Variants in PKHD1 observed in about 807,000 individuals in gnomAD.
PKHD1 encodes the protein PKHD1 ciliary IPT domain containing fibrocystin/polyductin.
Under a neutral mutation model 412.0 loss-of-function variants are expected in PKHD1, and 291 were observed. The ratio of observed to expected loss-of-function variants is 0.71; its 90% CI spans 0.64 to 0.78. The LOEUF is 0.78. Among genes scored for constraint, PKHD1 ranks in the 30% least tolerant of loss-of-function variants. The probability of loss-of-function intolerance (pLI) is 0.00; values close to 1 mark genes in which losing one functional copy is unlikely to be tolerated. For synonymous variants in PKHD1, 1,777 were observed against 1,821.5 expected (o/e 0.98, Z 0.62); for missense variants, 4,825 against 4,950.7 (o/e 0.97, Z 0.76).
intron 22 of PKHD1, 96 bp from the exon 23 acceptor site, chr6:52,048,715 G>T: frequency 6.8e-7 from 1 of 1,472,276 alleles, no homozygotes; most frequent in Non-Finnish European, 9.4e-7. Flanking sequence ...TTAGGCTGCA[G>T]CCTTCCAGAA....
intron 62 of PKHD1, 137 bp downstream of exon 62, chr6:51,648,948 A>G (rs1770496786): frequency 1.5e-5 from 12 of 799,704 alleles, no homozygotes; most frequent in South Asian, 1.3e-4. Context: ...GAAAGTAGTG[A>G]GAAGCTCTAA....
intron 60 of PKHD1, among the ~76,000 whole-genome samples, chr6:51,718,566 G>A (rs965053516): frequency 1.3e-5 from 2 of 152,106 alleles, no homozygotes; most frequent in African/African-American, 4.8e-5. Context: ...AAGCAATCAG[G>A]ATATTACTGA....
intron 48 of PKHD1, among the ~76,000 whole-genome samples, chr6:51,863,867 T>G (rs1437886372): frequency 1.3e-5 from 2 of 152,166 alleles, no homozygotes; most frequent in Non-Finnish European, 2.9e-5. Flanking sequence ...TTTATATTTT[T>G]TTACTCAACA....
chr6:52,046,305 C>T (rs1026269551), intron 23 of PKHD1, 117 bp from the exon 24 acceptor site: 3 of 848,448 alleles, frequency 3.5e-6, no homozygotes, highest in Non-Finnish European at 4.1e-6. Context: ...TTCAGGAGAC[C>T]CTTCTGTCAA....
chr6:51,807,424 C>A (rs372836168), intron 52 of PKHD1, among the ~76,000 whole-genome samples: 1 of 117,588 alleles, frequency 8.5e-6, no homozygotes, highest in East Asian at 2.4e-4. Context: ...GGCAACAGAG[C>A]GAGACTCTGT....
chr6:51,966,243 TC>T (rs769118914), intron 35 of PKHD1, among the ~76,000 whole-genome samples: 2 of 152,102 alleles, frequency 1.3e-5, no homozygotes, highest in Non-Finnish European at 2.9e-5. Context: ...ACATGAGACA[TC>T]AATCAATATA....
chr6:52,028,453 C>T (rs1802557255), intron 29 of PKHD1, 102 bp from the exon 30 acceptor site: 1 of 1,063,410 alleles, frequency 9.4e-7, no homozygotes, highest in South Asian at 1.3e-5. Context: ...TCACAGTCAC[C>T]CCTATGCATA....
Position 52,076,263 on chromosome 6 carries a change from G to A in PKHD1, c.448+13C>T. On this transcript the variant is annotated intron_variant, in intron 6 of 66. Transcript: ENST00000371117. ...ATTCACAATTATTCCTATTTTAATAGAAGATTTCTTACCTGGAACACCACT... is the reference window on the plus strand; with the variant it reads ...ATTCACAATTATTCCTATTTTAATAAAAGATTTCTTACCTGGAACACCACT... The A allele has an allele frequency of 6.3e-7, 1 of 1,580,580 alleles. No homozygotes were observed. Among genetic ancestry groups the A allele is most frequent in the Non-Finnish European group, 8.7e-7 (1 of 1,149,438 alleles).
At chr6:52,032,261 T>G (rs1803174784) in intron 29 of PKHD1, among the ~76,000 whole-genome samples, 1 of 152,206 alleles carries the variant, frequency 6.6e-6, no homozygotes, top group Non-Finnish European at 1.5e-5. Context: ...AATAAACCCT[T>G]AGATATGGCT....
At chr6:51,677,754 A>G (rs147534239) in intron 60 of PKHD1, among the ~76,000 whole-genome samples, 1 of 152,304 alleles carries the variant, frequency 6.6e-6, no homozygotes, top group Non-Finnish European at 1.5e-5. Flanking sequence ...TTGATAAAAA[A>G]GATCAAGAGA....
At chr6:51,771,205 C>CAT (rs1245837561) in intron 55 of PKHD1, among the ~76,000 whole-genome samples, 17 of 151,122 alleles carry the variant, frequency 1.1e-4, no homozygotes, top group Non-Finnish European at 2.2e-4. Context: ...AGGATACACA[C>CAT]ACACACACAC....
intron 20 of PKHD1, among the ~76,000 whole-genome samples, 170 bp from the exon 21 acceptor site, chr6:52,053,421 C>A: frequency 6.6e-6 from 1 of 152,226 alleles, no homozygotes; most frequent in East Asian, 1.9e-4. Flanking sequence ...AAACATCCCA[C>A]CCAAGATGGG....
Position 51,727,279 on chromosome 6 carries a change from G to A in PKHD1, c.10156+17106C>T, listed in dbSNP as rs1371262932. ...CATATGTTACTGATGGAAGGTATCC[G>A]AGTTACCAGCAGTAAATCTGTGTGG... is the stretch of plus-strand genomic sequence containing the variant. On this transcript the variant is annotated intron_variant, in intron 60 of 66. Coordinates refer to ENST00000371117, the MANE Select transcript of PKHD1 (RefSeq NM_138694.4). Among the ~76,000 whole-genome samples, 9 of 152,118 alleles carry A rather than the reference G, an allele frequency of 5.9e-5. 1 individual carries two copies. Among genetic ancestry groups the A allele is most frequent in the Non-Finnish European group, 1.0e-4 (7 of 68,026 alleles).
At chr6:51,681,331 A>G (rs923418457) in intron 60 of PKHD1, among the ~76,000 whole-genome samples, 1 of 152,010 alleles carries the variant, frequency 6.6e-6, no homozygotes, top group Admixed American at 6.6e-5. Flanking sequence ...TTCAGACCAG[A>G]CATTGCCACC....
At chr6:52,007,874 C>T (rs938915972) in intron 35 of PKHD1, among the ~76,000 whole-genome samples, 1 of 150,694 alleles carries the variant, frequency 6.6e-6, no homozygotes, top group African/African-American at 2.5e-5. Flanking sequence ...TGCGACAGGA[C>T]GTGTGCCTGA....
chr6:52,070,898 ATTG>A (rs1157923832), intron 9 of PKHD1, 105 bp downstream of exon 9: 52 of 749,798 alleles, frequency 6.9e-5, no homozygotes, highest in Non-Finnish European at 9.7e-5. Flanking sequence ...AATAGTAATT[ATTG>A]TTATTATTAT....
intron 60 of PKHD1, chr6:51,721,309 A>G (rs1353012043): frequency 1.2e-6 from 1 of 815,534 alleles, no homozygotes; most frequent in Non-Finnish European, 1.5e-6. Context: ...AATATTATTA[A>G]CAATAACCCA....
At chr6:52,062,687 A>G (rs1422960348) in intron 13 of PKHD1, 27 bp from the exon 14 acceptor site, 2 of 1,613,698 alleles carry the variant, frequency 1.2e-6, no homozygotes, top group Admixed American at 1.7e-5. Context: ...TCGCATAAAC[A>G]TTACAGGGCG....
Position 51,730,082 on chromosome 6 carries a change from T to C in PKHD1, c.10156+14303A>G, listed in dbSNP as rs147868889. Among the ~76,000 whole-genome samples, 756 of 152,318 alleles carry C rather than the reference T, an allele frequency of 5.0e-3. 8 individuals are homozygous for C. The highest frequency in any genetic ancestry group is 0.017 in the African/African-American group (704 of 41,584). On this transcript the variant is annotated intron_variant, in intron 60 of 66. Transcript: ENST00000371117. ...TTCTTGGAATTCTTTGCAAATTTTT[T>C]CAGTTGGTTTGTTCCTTTTTGTTCT... is the stretch of plus-strand genomic sequence containing the variant.
Sources: gnomAD v4.1 joint callset for allele counts (sites outside exome capture counted in the v4.1 genomes callset) on GRCh38, gnomAD v4.1.1 for gene constraint, MANE v1.5 for transcripts, NCBI Gene and HGNC (gene_info 2026-07-23, HGNC 2026-07-21) for gene names.